DOT1L: variants seen among roughly 807,000 people sequenced by gnomAD.
DOT1L encodes histone-lysine N-methyltransferase, H3 lysine-79 specific.
A neutral mutation model predicts 153.3 loss-of-function variants in DOT1L; 33 were observed. The ratio of observed to expected loss-of-function variants is 0.22; its 90% CI spans 0.16 to 0.29. The LOEUF is 0.29. Ranked by LOEUF, DOT1L falls within the 10% of genes least tolerant of loss-of-function variation. DOT1L has a pLI of 1.00. For synonymous variants in DOT1L, 1,135 were observed against 965.1 expected, an observed-to-expected ratio of 1.18 and a Z score of -3.26; for missense variants, 1,847 against 2,119.9, an observed-to-expected ratio of 0.87 and a Z score of 2.53.
intron 3 of DOT1L, among the ~76,000 whole-genome samples, chr19:2,186,936 A>C (rs2022538074): frequency 1.3e-5 from 2 of 152,230 alleles, no homozygotes; most frequent in African/African-American, 4.8e-5. Context: ...GGCAGGGTCC[A>C]CAGGGAGGGG....
In DOT1L at chr19:2,164,030, C is replaced by CGCGGCG. The variant is rs576715318; in HGVS notation, c.-137_-132dup. On this transcript the variant is annotated 5_prime_UTR_variant, in exon 1 of 28. Coordinates refer to ENST00000398665, the MANE Select transcript of DOT1L (RefSeq NM_032482.3). The stretch of plus-strand genomic sequence containing the variant: ...AGTCGGGGGCCGGGCCGGACCGGAG[C>CGCGGCG]GCGGCGGCGGCGGCGGCGGCGGCCG... 2.1e-3 allele frequency: 622 copies of CGCGGCG among 301,148 alleles called. 1 individual carries two copies. The highest frequency in any genetic ancestry group is 2.9e-3 in the Admixed American group (48 of 16,794). The allele number at this position is 301,148 out of a possible 1,614,324, so 18.7% of individuals were successfully genotyped here.
chr19:2,200,127 G>A (rs903199150), intron 8 of DOT1L, among the ~76,000 whole-genome samples, 188 bp downstream of exon 8: 10 of 152,086 alleles, frequency 6.6e-5, no homozygotes, highest in East Asian at 1.9e-4. Context: ...CAGAGCAGAC[G>A]TGCCCAGCAG....
In DOT1L at chr19:2,163,956, C is replaced by T. The variant is rs2019808516; in HGVS notation, c.-229C>T. On this transcript the variant is annotated 5_prime_UTR_variant, in exon 1 of 28. Coordinates refer to ENST00000398665, the MANE Select transcript of DOT1L (RefSeq NM_032482.3). ...TCATTGTGCTCGCTTCACGCCGGCC[C>T]AAGATGGCGGAGGCGCTGGAGGCCC... 6.7e-6 allele frequency among the ~76,000 whole-genome samples: 1 copy of T among 149,684 alleles called. No individual in the cohort carries two copies. Among genetic ancestry groups the T allele is most frequent in the Non-Finnish European group, 1.5e-5 (1 of 66,978 alleles).
At chr19:2,214,141 G>A (rs2023817132) in intron 18 of DOT1L, 155 bp downstream of exon 18, 4 of 1,299,464 alleles carry the variant, frequency 3.1e-6, no homozygotes, top group Non-Finnish European at 4.1e-6. Flanking sequence ...CTTGTCGAGC[G>A]CGTCACAGCA....
In DOT1L at chr19:2,190,740, T is replaced by C. The variant is rs901753071; in HGVS notation, c.265-272T>C. ...TTGGTGGCCTGTGTGGTTTTGGTGG[T>C]CTTGCCAGTGGGGAGAGAGGCCCGT... On this transcript the variant is annotated intron_variant, in intron 4 of 27. Transcript: ENST00000398665. The surrounding 1 kb of genome is among the most constrained non-coding windows in gnomAD (Gnocchi z 4.8). 1.3e-5 allele frequency among the ~76,000 whole-genome samples: 2 copies of C among 151,670 alleles called. No individual in the cohort carries two copies. Among genetic ancestry groups the C allele is most frequent in the African/African-American group, 2.4e-5 (1 of 41,254 alleles).
intron 1 of DOT1L, among the ~76,000 whole-genome samples, chr19:2,168,610 C>T (rs551601203): frequency 2.0e-5 from 3 of 152,176 alleles, no homozygotes; most frequent in South Asian, 2.1e-4. Flanking sequence ...TCTCAAGCCC[C>T]GCATGGCATT....
rs924456205 is a variant in DOT1L at position 2,208,573 on chromosome 19, C to T, written c.964-362C>T. Among the ~76,000 whole-genome samples the T allele has an allele frequency of 1.2e-4, 18 of 152,250 alleles. No homozygotes were observed. The highest frequency in any genetic ancestry group is 2.6e-4 in the Non-Finnish European group (18 of 68,042). On this transcript the variant is annotated intron_variant, in intron 11 of 27. Transcript: ENST00000398665. The surrounding 1 kb of genome is among the most constrained non-coding windows in gnomAD (Gnocchi z 4.4). ...TGCTGCTGCTTCAGCTGCCCTGGCACTGACGCCCTCGGCGCAGCCTCTCGC... is the reference window on the plus strand; with the variant it reads ...TGCTGCTGCTTCAGCTGCCCTGGCATTGACGCCCTCGGCGCAGCCTCTCGC...
At chr19:2,186,792 C>T (rs567243709) in intron 3 of DOT1L, among the ~76,000 whole-genome samples, 26 of 152,382 alleles carry the variant, frequency 1.7e-4, no homozygotes, top group Non-Finnish European at 3.4e-4. Context: ...CGACCTGCTG[C>T]TGTGGATTTC....
chr19:2,221,505 A>G (rs897742092), intron 23 of DOT1L: 8 of 162,924 alleles, frequency 4.9e-5, no homozygotes, highest in Non-Finnish European at 1.1e-4. Flanking sequence ...GAAGTGCACC[A>G]CTCATCGTGG....
At chr19:2,218,268 C>T (rs1381497471) in intron 22 of DOT1L, among the ~76,000 whole-genome samples, 1 of 152,256 alleles carries the variant, frequency 6.6e-6, no homozygotes, top group Non-Finnish European at 1.5e-5. Context: ...TTCTCCCACC[C>T]AGCGCTGTGC....
rs779927320 is a variant in DOT1L at position 2,225,371 on chromosome 19, C to A, written c.3597-17C>A. ...GCAGCTGGGTTTCAAGCATTAATGACCTTTTTTTCTTAACAGAATTGAGAG... is the reference window on the plus strand; with the variant it reads ...GCAGCTGGGTTTCAAGCATTAATGAACTTTTTTTCTTAACAGAATTGAGAG... On this transcript the variant is annotated splice_polypyrimidine_tract_variant and intron_variant, in intron 25 of 27. Transcript: ENST00000398665. The A allele has an allele frequency of 3.7e-6, 6 of 1,612,972 alleles. No homozygotes were observed. Among genetic ancestry groups the A allele is most frequent in the Middle Eastern group, 1.6e-4 (1 of 6,062 alleles).
intron 1 of DOT1L, among the ~76,000 whole-genome samples, chr19:2,176,479 C>A (rs1200738506): frequency 6.6e-6 from 1 of 152,194 alleles, no homozygotes; most frequent in African/African-American, 2.4e-5. Context: ...TACGTGGCCC[C>A]CAAAATAATG....
At chr19:2,180,968 G>A (rs1222408092) in intron 2 of DOT1L, among the ~76,000 whole-genome samples, 1 of 152,156 alleles carries the variant, frequency 6.6e-6, no homozygotes, top group Non-Finnish European at 1.5e-5. Flanking sequence ...GAGCTGCTGG[G>A]GTGTCCAGTG....
chr19:2,195,845 A>G (rs1219645652), intron 7 of DOT1L, among the ~76,000 whole-genome samples: 2 of 152,212 alleles, frequency 1.3e-5, no homozygotes, highest in Non-Finnish European at 2.9e-5. Context: ...ACAGAAACAA[A>G]GTGTTCAGGG....
intron 27 of DOT1L, chr19:2,229,473 G>T (rs903691641): frequency 1.0e-6 from 1 of 985,486 alleles, no homozygotes; most frequent in Non-Finnish European, 1.2e-6. Context: ...CCTGCGGGCT[G>T]GACAAGCTAT....
At chr19:2,196,879 G>A (rs1363221933) in intron 7 of DOT1L, among the ~76,000 whole-genome samples, 2 of 152,184 alleles carry the variant, frequency 1.3e-5, no homozygotes, top group Non-Finnish European at 1.5e-5. Flanking sequence ...GCTCTCCCTC[G>A]GGTGGAGGAT....
chr19:2,221,597 G>C (rs1599613122), intron 23 of DOT1L: 1 of 249,618 alleles, frequency 4.0e-6, no homozygotes, highest in East Asian at 7.2e-5. Flanking sequence ...ACAGGAGGGA[G>C]GGAGGCCACG....
At position 2,210,353 on chromosome 19, in the gene DOT1L, G is replaced by A. The variant is rs560468949; in HGVS notation, c.1006-47G>A. ...GCGTGCCTCTCGGTGCAGGAGGGCC[G>A]TGGGCAGCGCTGGGGCTTCCTGTGG... On this transcript the variant is annotated intron_variant, in intron 12 of 27. Transcript: ENST00000398665. The A allele has an allele frequency of 6.0e-5, 87 of 1,443,030 alleles. No individual in the cohort carries two copies. The African/African-American group carries it at 7.1e-4, about 12-fold the overall frequency. The allele number at this position is 1,443,030 out of a possible 1,614,324, so 89.4% of individuals were successfully genotyped here.
rs2023084759 is a variant in DOT1L at position 2,197,790 on chromosome 19, G to A, written c.652-2094G>A. On this transcript the variant is annotated intron_variant, in intron 7 of 27. Coordinates refer to ENST00000398665, the MANE Select transcript of DOT1L (RefSeq NM_032482.3). The surrounding 1 kb of genome is among the most constrained non-coding windows in gnomAD (Gnocchi z 4.1). The stretch of plus-strand genomic sequence containing the variant: ...CTGGTGGTGGGGAAAGCAGGTGTCA[G>A]TACCAGCCTCTGCCTCTGGCATCCG... Among the ~76,000 whole-genome samples the A allele has an allele frequency of 6.6e-6, 1 of 152,228 alleles. No individual in the cohort carries two copies. Among genetic ancestry groups the A allele is most frequent in the Non-Finnish European group, 1.5e-5 (1 of 68,038 alleles).
Sources: allele counts gnomAD v4.1 joint callset (sites outside exome capture counted in the v4.1 genomes callset), GRCh38; gene constraint gnomAD v4.1.1; non-coding constraint Gnocchi (gnomAD v3.1); transcripts MANE v1.5; gene names NCBI Gene and HGNC (gene_info 2026-07-23, HGNC 2026-07-21).